The following PHACTR2 variants were observed in gnomAD, a reference collection of about 807,000 sequenced individuals.
PHACTR2 encodes chromosome 6 open reading frame 56.
PHACTR2 carries 30 observed loss-of-function variants against 76.0 expected under a neutral mutation model. That is an observed-to-expected ratio of 0.39 (90% CI 0.30 to 0.54). PHACTR2 has a LOEUF of 0.54. Ranked by LOEUF, PHACTR2 falls within the 20% of genes least tolerant of loss-of-function variation. The probability of loss-of-function intolerance (pLI) is 0.61; values close to 1 mark genes in which losing one functional copy is unlikely to be tolerated. For missense variants in PHACTR2, 696 were observed against 781.1 expected (o/e 0.89, Z 1.30); for synonymous variants, 292 against 292.5 (o/e 1.00, Z 0.02).
At chr6:143,723,170 AC>A (rs1383163967) in intron 2 of PHACTR2, among the ~76,000 whole-genome samples, 1 of 152,170 alleles carries the variant, frequency 6.6e-6, no homozygotes, top group Non-Finnish European at 1.5e-5. Context: ...TGTCTTCGAC[AC>A]CATCAGTTGA....
At position 143,820,971 on chromosome 6, in the gene PHACTR2, T is replaced by C. The variant is rs542053658; in HGVS notation, c.1923-2703T>C. Among the ~76,000 whole-genome samples, 57 of 152,382 alleles carry C rather than the reference T, an allele frequency of 3.7e-4. No individual in the cohort carries two copies. Among genetic ancestry groups the C allele is most frequent in the African/African-American group, 1.3e-3 (53 of 41,596 alleles). ...CATCATGTAGAAGCTGTCAAGGCTTTCAGCTTGCACCCTCTGAAGCAGAAG... is the reference window on the plus strand; with the variant it reads ...CATCATGTAGAAGCTGTCAAGGCTTCCAGCTTGCACCCTCTGAAGCAGAAG... On this transcript the variant is annotated intron_variant, in intron 12 of 12. Transcript: ENST00000440869. The surrounding 1 kb of genome is among the most constrained non-coding windows in gnomAD (Gnocchi z 4.2).
At chr6:143,594,720 C>G (rs1775728401) in intron 1 of PHACTR2, among the ~76,000 whole-genome samples, 1 of 152,234 alleles carries the variant, frequency 6.6e-6, no homozygotes, top group Non-Finnish European at 1.5e-5. Flanking sequence ...TGGCCTATAC[C>G]TAGCCAGCCG....
In PHACTR2 at chr6:143,803,267, G is replaced by C. The variant is rs1020230826; in HGVS notation, c.1846-3790G>C. ...TTTTCAATGTGAAAATAAAATAGAGGCCGATTGCAGTGGCTCACGCCTGTA... is the reference window on the plus strand; with the variant it reads ...TTTTCAATGTGAAAATAAAATAGAGCCCGATTGCAGTGGCTCACGCCTGTA... On this transcript the variant is annotated intron_variant, in intron 11 of 12. Coordinates refer to ENST00000440869, the MANE Select transcript of PHACTR2 (RefSeq NM_001100164.2). This position sits in a 1 kb window ranked among gnomAD's most constrained non-coding sequence, Gnocchi z 4.7. Among the ~76,000 whole-genome samples the C allele has an allele frequency of 6.6e-6, 1 of 152,206 alleles. No homozygotes were observed. The highest frequency in any genetic ancestry group is 1.5e-5 in the Non-Finnish European group (1 of 68,044).
intron 6 of PHACTR2, among the ~76,000 whole-genome samples, chr6:143,771,190 G>GTATATATATATATATATATATA (rs1562300806): frequency 4.5e-5 from 1 of 22,452 alleles, no homozygotes; most frequent in African/African-American, 2.5e-4. Flanking sequence ...ATATATATAT[G>GTATATATATATATATATATATA]TGTGTATATA....
chr6:143,642,097 A>C (rs1475880737), intron 1 of PHACTR2, among the ~76,000 whole-genome samples: 1 of 152,172 alleles, frequency 6.6e-6, no homozygotes, highest in African/African-American at 2.4e-5. Context: ...TCCATTCCAC[A>C]TACTATAGTC....
At chr6:143,577,923 A>G (rs1032695358) in intron 1 of PHACTR2, among the ~76,000 whole-genome samples, 6 of 152,240 alleles carry the variant, frequency 3.9e-5, no homozygotes, top group African/African-American at 1.4e-4. Context: ...AAATATGACT[A>G]TCAATATAAT....
intron 1 of PHACTR2, among the ~76,000 whole-genome samples, chr6:143,705,388 G>A (rs1166156531): frequency 3.4e-5 from 5 of 147,518 alleles, no homozygotes; most frequent in African/African-American, 1.0e-4. Flanking sequence ...TCTGCCTCCC[G>A]GGTTCACGCC....
At chr6:143,812,178 G>C (rs944366334) in intron 12 of PHACTR2, among the ~76,000 whole-genome samples, 1 of 152,152 alleles carries the variant, frequency 6.6e-6, no homozygotes, top group African/African-American at 2.4e-5. Flanking sequence ...ACCCACTTCT[G>C]TATATAGCTT....
intron 6 of PHACTR2, among the ~76,000 whole-genome samples, chr6:143,766,302 A>G (rs1041018533): frequency 6.6e-6 from 1 of 152,198 alleles, no homozygotes; most frequent in Admixed American, 6.5e-5. Context: ...CTGTGAAGCC[A>G]TTCAGTACTT....
chr6:143,790,038 G>T (rs1173595645), intron 11 of PHACTR2, among the ~76,000 whole-genome samples: 2 of 152,166 alleles, frequency 1.3e-5, no homozygotes, highest in East Asian at 3.9e-4. Context: ...ACTGTGTCAG[G>T]GAGGACGGAC....
At position 143,596,325 on chromosome 6, in the gene PHACTR2, C is replaced by T. The variant is rs1644497690; in HGVS notation, c.217+59118C>T. ...GGGAGCGGCTAACTAAGCGGGTCGT[C>T]CTTTCTCAGAAGGTTTATTTCTTGG... On this transcript the variant is annotated intron_variant, in intron 1 of 11. Transcript: ENST00000367584. The surrounding 1 kb of genome is among the most constrained non-coding windows in gnomAD (Gnocchi z 4.6). Among the ~76,000 whole-genome samples the T allele has an allele frequency of 6.6e-6, 1 of 151,778 alleles. No individual in the cohort carries two copies. The highest frequency in any genetic ancestry group is 2.4e-5 in the African/African-American group (1 of 41,274).
At position 143,821,080 on chromosome 6, in the gene PHACTR2, A is replaced by C. The variant is rs1332267575; in HGVS notation, c.1923-2594A>C. 6.6e-6 allele frequency among the ~76,000 whole-genome samples: 1 copy of C among 152,234 alleles called. No homozygotes were observed. Among genetic ancestry groups the C allele is most frequent in the Non-Finnish European group, 1.5e-5 (1 of 68,042 alleles). On this transcript the variant is annotated intron_variant, in intron 12 of 12. Transcript: ENST00000440869. This position sits in a 1 kb window ranked among gnomAD's most constrained non-coding sequence, Gnocchi z 5.2. ...GGGAACAATGTCCTGAGGCTGCACG[A>C]GGCAGCAGGGCCCTTGACCTGGCCC...
At position 143,739,758 on chromosome 6, in the gene PHACTR2, C is replaced by T. The variant is rs923897099; in HGVS notation, c.215-9227C>T. Reference sequence around the variant, plus strand: ...TTTGAATCTTGGACCTTTATTCCTTCGGAATTAGAACCATAGGTCCCCATG... The same window carrying T: ...TTTGAATCTTGGACCTTTATTCCTTTGGAATTAGAACCATAGGTCCCCATG... On this transcript the variant is annotated intron_variant, in intron 2 of 12. Coordinates refer to ENST00000440869, the MANE Select transcript of PHACTR2 (RefSeq NM_001100164.2). The surrounding 1 kb of genome is among the most constrained non-coding windows in gnomAD (Gnocchi z 4.3). Among the ~76,000 whole-genome samples the T allele has an allele frequency of 2.0e-5, 3 of 152,196 alleles. No individual in the cohort carries two copies. Among genetic ancestry groups the T allele is most frequent in the Non-Finnish European group, 2.9e-5 (2 of 68,024 alleles).
intron 9 of PHACTR2, among the ~76,000 whole-genome samples, chr6:143,779,643 C>T (rs368955527): frequency 5.3e-5 from 8 of 151,992 alleles, no homozygotes; most frequent in East Asian, 1.9e-4. Flanking sequence ...CCACCGTGCC[C>T]GGCCCTAACT....
At chr6:143,702,756 T>C (rs1477612749) in intron 1 of PHACTR2, among the ~76,000 whole-genome samples, 2 of 147,214 alleles carry the variant, frequency 1.4e-5, no homozygotes, top group Non-Finnish European at 3.0e-5. Context: ...ATATGCATTG[T>C]AAGAATATAT....
Position 143,829,177 on chromosome 6 carries a change from C to G in PHACTR2, c.*5488C>G. The G allele has an allele frequency of 7.4e-6, 1 of 136,054 alleles. No homozygotes were observed. The highest frequency in any genetic ancestry group is 2.7e-5 in the African/African-American group (1 of 36,600). 8.4% of individuals were successfully genotyped at this position (136,054 alleles called of 1,614,324 possible). A position where few individuals can be genotyped will look rare whatever the true frequency, so the allele number is the denominator to read the frequency against. The stretch of plus-strand genomic sequence containing the variant: ...ATATATACTTAAAGGAGAGATCATA[C>G]ATGAAGAAAGCTTTTTTTTTTTTTT... On this transcript the variant is annotated 3_prime_UTR_variant, in exon 13 of 13. Transcript: ENST00000440869.
chr6:143,786,829 C>G (rs1472687234), intron 10 of PHACTR2, among the ~76,000 whole-genome samples: 1 of 152,198 alleles, frequency 6.6e-6, no homozygotes, highest in Non-Finnish European at 1.5e-5. Context: ...TTACCTCCCC[C>G]TGGGTCCCTC....
intron 11 of PHACTR2, among the ~76,000 whole-genome samples, chr6:143,802,647 C>CAAA (rs55737411): frequency 5.5e-5 from 5 of 90,168 alleles, no homozygotes; most frequent in African/African-American, 1.3e-4. Context: ...GACCCTGTCT[C>CAAA]AAAAAAAAAA....
rs144415574 is a variant in PHACTR2 at position 143,651,387 on chromosome 6, A to G, written c.13+43065A>G. On this transcript the variant is annotated intron_variant, in intron 1 of 11. Transcript: ENST00000305766. ...ACCATTCTGTTATAAAGATACATGCATGTGTATGTTCATTGCAACACTATC... is the reference window on the plus strand; with the variant it reads ...ACCATTCTGTTATAAAGATACATGCGTGTGTATGTTCATTGCAACACTATC... Among the ~76,000 whole-genome samples the G allele has an allele frequency of 1.6e-4, 25 of 152,336 alleles. No individual in the cohort carries two copies. In the East Asian group the frequency reaches 4.1e-3, roughly 25 times the overall value.
Sources: gnomAD v4.1 joint callset for allele counts (sites outside exome capture counted in the v4.1 genomes callset) on GRCh38, gnomAD v4.1.1 for gene constraint, Gnocchi (gnomAD v3.1) non-coding constraint, MANE v1.5 for transcripts, NCBI Gene and HGNC (gene_info 2026-07-23, HGNC 2026-07-21) for gene names.